CYP11A1: variants seen among roughly 807,000 people sequenced by gnomAD.
The protein encoded by CYP11A1 is cytochrome P450 family 11 subfamily A member 1, also known as cholesterol side-chain cleavage enzyme, mitochondrial.
CYP11A1 carries 25 observed loss-of-function variants against 51.9 expected under a neutral mutation model. The observed-to-expected ratio is 0.48, with a 90% CI of 0.35 to 0.67. The LOEUF (loss-of-function observed/expected upper bound fraction) is 0.67. Ranked by LOEUF, CYP11A1 falls within the 30% of genes least tolerant of loss-of-function variation. CYP11A1 has a pLI of 0.00. For missense variants in CYP11A1, 578 were observed against 680.9 expected (o/e 0.85, Z 1.68); for synonymous variants, 245 against 262.1 (o/e 0.93, Z 0.63).
At chr15:74,356,093 T>G (rs923436841) in intron 1 of CYP11A1, among the ~76,000 whole-genome samples, 6 of 152,254 alleles carry the variant, frequency 3.9e-5, no homozygotes, top group Non-Finnish European at 8.8e-5. Flanking sequence ...ATTACTTGCC[T>G]CTGCTGTGAG....
At chr15:74,340,502 G>A (rs1596158219) in intron 5 of CYP11A1, among the ~76,000 whole-genome samples, 2 of 152,188 alleles carry the variant, frequency 1.3e-5, no homozygotes, top group South Asian at 2.1e-4. Context: ...ATCTTACCAA[G>A]GATCATATTT....
Position 74,339,723 on chromosome 15 carries a change from C to T in CYP11A1, c.1021G>A (p.Glu341Lys), listed in dbSNP as rs531531464. 6.2e-7 allele frequency: 1 copy of T among 1,614,128 alleles called. No homozygotes were observed. Among genetic ancestry groups the T allele is most frequent in the African/African-American group, 1.3e-5 (1 of 75,032 alleles). Residue 341 changes from glutamate (E) to lysine (K), a missense_variant, in exon 6 of 9, where the codon GAG becomes AAG. Physicochemically the swap from Glu to Lys is moderately conservative, Grantham distance 56. Coordinates refer to ENST00000268053, the MANE Select transcript of CYP11A1 (RefSeq NM_000781.3). ...TGCACCTTCAGGTTGCGTGCCATCT[C>T]ATACAAGTGCCACTGCAGGGTCATG... is the stretch of plus-strand genomic sequence containing the variant. ...TSMTLQWHLY[E>K]MARNLKVQDM...
chr15:74,341,466 C>T (rs966252673), intron 5 of CYP11A1, among the ~76,000 whole-genome samples: 2 of 152,194 alleles, frequency 1.3e-5, no homozygotes, highest in African/African-American at 2.4e-5. Context: ...CTCCCTAGTC[C>T]TGAAATGCTA....
chr15:74,358,591 A>G lies in CYP11A1; in HGVS notation c.269+8726T>C, dbSNP rs1297395836. ...CAAGCTCAGGGATTTGCCTCTGCCC[A>G]GGACTGGCAAATTGACTTTACTCAC... On this transcript the variant is annotated intron_variant, in intron 1 of 8. Coordinates refer to ENST00000268053, the MANE Select transcript of CYP11A1 (RefSeq NM_000781.3). 2.6e-5 allele frequency among the ~76,000 whole-genome samples: 4 copies of G among 152,208 alleles called. No homozygotes were observed. In the East Asian group the frequency reaches 7.7e-4, roughly 29 times the overall value.
At chr15:74,338,841 A>G in intron 7 of CYP11A1, 73 bp from the exon 8 acceptor site, 1 of 1,384,914 alleles carries the variant, frequency 7.2e-7, no homozygotes, top group South Asian at 1.2e-5. Flanking sequence ...CCCCTTCCCT[A>G]GTCCCCTGCC....
chr15:74,366,090 A>C (rs1311904851), intron 1 of CYP11A1: 1 of 985,336 alleles, frequency 1.0e-6, no homozygotes, highest in Non-Finnish European at 1.2e-6. Context: ...GGGGAGGCGG[A>C]GGTGAGCGAC....
At chr15:74,352,627 A>T (rs114131391) in intron 1 of CYP11A1, among the ~76,000 whole-genome samples, 4,018 of 152,210 alleles carry the variant, frequency 0.026, 183 homozygotes, top group African/African-American at 0.091. Flanking sequence ...CTCCCCTTCT[A>T]TTCAAAGTCT....
In CYP11A1 at chr15:74,339,282, A is replaced by G; in HGVS notation, c.1191T>C (p.Tyr397=). ...CTCGAAGAACCAAGTCATTTACAAG[A>G]TATCTCTGCAGGGTCACGGAGATGG... ...LHPISVTLQR[Y]LVNDLVLRDY... Residue 397 remains tyrosine (Y), a synonymous_variant, in exon 7 of 9, where the codon TAT becomes TAC. Transcript: ENST00000268053. 1 of 1,614,202 alleles carries G rather than the reference A, an allele frequency of 6.2e-7. No homozygotes were observed. Among genetic ancestry groups the G allele is most frequent in the South Asian group, 1.1e-5 (1 of 91,088 alleles).
rs1052883915 is a variant in CYP11A1, at chr15:74,348,070, G to T, written c.270-15C>A. ...CGAGCTTCTCCCTGGAGGGGTGGGG[G>T]AGAGGGGCTGATGGAAGGATCCGAG... On this transcript the variant is annotated splice_polypyrimidine_tract_variant and intron_variant, in intron 1 of 8. Transcript: ENST00000268053. The T allele has an allele frequency of 1.2e-6, 2 of 1,613,672 alleles. No homozygotes were observed. The highest frequency in any genetic ancestry group is 1.1e-5 in the South Asian group (1 of 90,986).
At chr15:74,342,809 C>T (rs2060613127) in intron 5 of CYP11A1, among the ~76,000 whole-genome samples, 168 bp downstream of exon 5, 1 of 152,162 alleles carries the variant, frequency 6.6e-6, no homozygotes, top group Non-Finnish European at 1.5e-5. Context: ...GACTTTGACC[C>T]CACCATCTTA....
At chr15:74,338,146 A>T (rs371271839) in intron 8 of CYP11A1, 43 bp from the exon 9 acceptor site, 5 of 1,613,256 alleles carry the variant, frequency 3.1e-6, no homozygotes, top group Middle Eastern at 1.7e-4. Flanking sequence ...GCAGGGGAGG[A>T]TCTGTCTCCC....
intron 6 of CYP11A1, 82 bp downstream of exon 6, chr15:74,339,505 C>T: frequency 6.4e-7 from 1 of 1,564,404 alleles, no homozygotes. Flanking sequence ...ACCAGCCCAT[C>T]CTCGTAACCC....
intron 5 of CYP11A1, 49 bp downstream of exon 5, chr15:74,342,928 G>C: frequency 6.3e-7 from 1 of 1,597,790 alleles, no homozygotes; most frequent in Non-Finnish European, 8.6e-7. Context: ...TGGGGAAGGG[G>C]CACGTGGGCA....
rs58174009 is a variant in CYP11A1 at position 74,345,134 on chromosome 15, C to T, written c.535G>A (p.Val179Ile). Residue 179 changes from valine to isoleucine, a missense_variant, in exon 3 of 9, where the codon GTC becomes ATC. Coordinates refer to ENST00000268053, the MANE Select transcript of CYP11A1 (RefSeq NM_000781.3). The surrounding 1 kb of genome is among the most constrained non-coding windows in gnomAD (Gnocchi z 4.3). ...PLLDAVSRDF[V>I]SVLHRRIKKA... ...TTGATGCGCCTGTGCAGGACACTGACGAAGTCCCGAGACACTGCATCCAAC... is the reference window on the plus strand; with the variant it reads ...TTGATGCGCCTGTGCAGGACACTGATGAAGTCCCGAGACACTGCATCCAAC... 4,054 of 1,614,142 alleles carry T rather than the reference C, an allele frequency of 2.5e-3. 12 individuals are homozygous for T. The highest frequency in any genetic ancestry group is 0.011 in the African/African-American group (837 of 75,036).
chr15:74,347,858 C>T (rs1426936055), intron 2 of CYP11A1, 42 bp downstream of exon 2: 3 of 1,609,478 alleles, frequency 1.9e-6, no homozygotes, highest in Non-Finnish European at 2.5e-6. Flanking sequence ...CACAGCTCCC[C>T]ACCACCTCCC....
chr15:74,360,722 G>A (rs1000515269), intron 1 of CYP11A1, among the ~76,000 whole-genome samples: 1 of 151,986 alleles, frequency 6.6e-6, no homozygotes, highest in Non-Finnish European at 1.5e-5. Flanking sequence ...GACCAACATG[G>A]TGAAACCCCC....
At position 74,345,001 on chromosome 15, in the gene CYP11A1, C is replaced by G; in HGVS notation, c.625+43G>C. On this transcript the variant is annotated intron_variant, in intron 3 of 8. Transcript: ENST00000268053. This position sits in a 1 kb window ranked among gnomAD's most constrained non-coding sequence, Gnocchi z 4.3. ...GGTAAGAGAGTGAACACTGAGTCCTCCCACCCCCATGCCCACTGCCAGCCA... is the reference window on the plus strand; with the variant it reads ...GGTAAGAGAGTGAACACTGAGTCCTGCCACCCCCATGCCCACTGCCAGCCA... The G allele has an allele frequency of 1.3e-6, 2 of 1,570,402 alleles. No individual in the cohort carries two copies. Among genetic ancestry groups the G allele is most frequent in the Non-Finnish European group, 1.8e-6 (2 of 1,140,622 alleles).
intron 1 of CYP11A1, among the ~76,000 whole-genome samples, chr15:74,356,043 GA>G (rs2060677982): frequency 6.6e-6 from 1 of 152,222 alleles, no homozygotes; most frequent in Non-Finnish European, 1.5e-5. Flanking sequence ...TACAATAATA[GA>G]AAGGAGGCAG....
At position 74,338,618 on chromosome 15, in the gene CYP11A1, G is replaced by A. The variant is rs748510040; in HGVS notation, c.1387C>T (p.Leu463=). The A allele has an allele frequency of 3.1e-6, 5 of 1,614,168 alleles. No individual in the cohort carries two copies. Among genetic ancestry groups the A allele is most frequent in the South Asian group, 1.1e-5 (1 of 91,090 alleles). The change falls in exon 8 of 9, where the codon CTG becomes TTG. Residue 463 remains leucine, a synonymous_variant. Transcript: ENST00000268053. ...TCTAGCTCAGCGATCCGCCGTCCCA[G>A]ACACTGCCGCACACCCCAGCCAAAG... ...LGFGWGVRQC[L]GRRIAELEMT... is the part of the protein sequence containing the mutation.
Sources: gnomAD v4.1 joint callset for allele counts (sites outside exome capture counted in the v4.1 genomes callset) on GRCh38, gnomAD v4.1.1 for gene constraint, Gnocchi (gnomAD v3.1) non-coding constraint, MANE v1.5 for transcripts, NCBI Gene and HGNC (gene_info 2026-07-23, HGNC 2026-07-21) for gene names.